AGBL1: variants seen among roughly 807,000 people sequenced by gnomAD.
The protein encoded by AGBL1 is AGBL carboxypeptidase 1.
A neutral mutation model predicts 118.9 loss-of-function variants in AGBL1; 130 were observed. That is an observed-to-expected ratio of 1.09 (90% CI 0.95 to 1.26). AGBL1 has a LOEUF of 1.26. AGBL1 is among the 50% of genes most tolerant of loss of function. AGBL1 has a pLI of 0.00. For synonymous variants in AGBL1, 555 were observed against 478.9 expected, an observed-to-expected ratio of 1.16 and a Z score of -2.08; for missense variants, 1,584 against 1,298.1, an observed-to-expected ratio of 1.22 and a Z score of -3.38.
chr15:86,367,946 T>C lies in AGBL1; in HGVS notation c.2375-29420T>C, dbSNP rs1216171844. Among the ~76,000 whole-genome samples, 3 of 152,304 alleles carry C rather than the reference T, an allele frequency of 2.0e-5. No individual in the cohort carries two copies. In the East Asian group the frequency reaches 5.8e-4, roughly 29 times the overall value. Reference sequence around the variant, plus strand: ...TAGCTAGCATTTTACTCCTAGGCTATTTCTGCTAAAACTAATAAACATGGG... The same window carrying C: ...TAGCTAGCATTTTACTCCTAGGCTACTTCTGCTAAAACTAATAAACATGGG... On this transcript the variant is annotated intron_variant, in intron 17 of 22. Transcript: ENST00000614907.
intron 3 of AGBL1, 86 bp downstream of exon 3, chr15:86,143,931 G>A (rs2076998823): frequency 2.7e-6 from 4 of 1,486,338 alleles, no homozygotes; most frequent in Non-Finnish European, 2.7e-6. Context: ...CTTTGGTGGA[G>A]TAGCACAGGG....
At chr15:87,001,570 G>T (rs949984865) in intron 24 of AGBL1, among the ~76,000 whole-genome samples, 1 of 152,000 alleles carries the variant, frequency 6.6e-6, no homozygotes, top group Non-Finnish European at 1.5e-5. Flanking sequence ...CTTCCACAAT[G>T]GTTGAACTAG....
At chr15:86,825,195 A>G (rs2078990133) in intron 22 of AGBL1, among the ~76,000 whole-genome samples, 1 of 151,992 alleles carries the variant, frequency 6.6e-6, no homozygotes, top group Admixed American at 6.6e-5. Flanking sequence ...AAGCAATTGG[A>G]CATCCATAGG....
chr15:86,718,126 A>C (rs2086664802), intron 22 of AGBL1, among the ~76,000 whole-genome samples: 1 of 152,130 alleles, frequency 6.6e-6, no homozygotes, highest in Non-Finnish European at 1.5e-5. Context: ...AAATATTATT[A>C]ATATTGGCTG....
At chr15:86,226,088 G>A (rs78682135) in intron 6 of AGBL1, among the ~76,000 whole-genome samples, 5,712 of 152,226 alleles carry the variant, frequency 0.038, 335 homozygotes, top group African/African-American at 0.13. Context: ...TGCAGGTAGA[G>A]TGGAGGTGGT....
At chr15:86,866,855 C>A (rs570367812) in intron 22 of AGBL1, among the ~76,000 whole-genome samples, 1 of 152,288 alleles carries the variant, frequency 6.6e-6, no homozygotes, top group East Asian at 1.9e-4. Flanking sequence ...TATGCTTAGT[C>A]CACTATTTGC....
intron 23 of AGBL1, among the ~76,000 whole-genome samples, chr15:86,961,289 T>C (rs1043935798): frequency 6.6e-6 from 1 of 152,070 alleles, no homozygotes; most frequent in East Asian, 1.9e-4. Flanking sequence ...GGAGTACTTA[T>C]AAATCTACCC....
intron 18 of AGBL1, among the ~76,000 whole-genome samples, chr15:86,455,595 G>A (rs563892852): frequency 6.6e-6 from 1 of 152,162 alleles, no homozygotes; most frequent in South Asian, 2.1e-4. Flanking sequence ...CAAGATGTAA[G>A]CAATATGGCT....
At chr15:86,775,746 TA>T (rs1457543117) in intron 22 of AGBL1, among the ~76,000 whole-genome samples, 1 of 152,194 alleles carries the variant, frequency 6.6e-6, no homozygotes, top group Non-Finnish European at 1.5e-5. Flanking sequence ...TACTATATTT[TA>T]TATTAAAATT....
At chr15:86,647,864 T>C (rs568736538) in intron 21 of AGBL1, among the ~76,000 whole-genome samples, 1 of 152,188 alleles carries the variant, frequency 6.6e-6, no homozygotes, top group East Asian at 1.9e-4. Context: ...AGATGAAATT[T>C]GGGTGATAAT....
At chr15:86,485,818 A>G (rs1462984478) in intron 18 of AGBL1, among the ~76,000 whole-genome samples, 2 of 152,128 alleles carry the variant, frequency 1.3e-5, no homozygotes, top group East Asian at 3.9e-4. Context: ...ATTCTGATCC[A>G]GGTGGCCTGC....
At chr15:86,187,416 G>T (rs2077650174) in intron 5 of AGBL1, among the ~76,000 whole-genome samples, 1 of 152,164 alleles carries the variant, frequency 6.6e-6, no homozygotes, top group South Asian at 2.1e-4. Flanking sequence ...TCCAGGACTT[G>T]AAAGAAGATG....
At position 86,666,667 on chromosome 15, in the gene AGBL1, T is replaced by TC. The variant is rs567970071; in HGVS notation, c.2995-7606_2995-7605insC. ...TTGGTTTTGCATGAGCATTTGCTGC[T>TC]GTTATTGATAATAATAAGTACTTAC... On this transcript the variant is annotated intron_variant, in intron 21 of 22. Transcript: ENST00000614907. Among the ~76,000 whole-genome samples, 762 of 152,354 alleles carry TC rather than the reference T, an allele frequency of 5.0e-3. 4 individuals are homozygous for TC. Among genetic ancestry groups the TC allele is most frequent in the African/African-American group, 0.017 (716 of 41,588 alleles).
intron 22 of AGBL1, among the ~76,000 whole-genome samples, chr15:86,775,481 C>A (rs939823113): frequency 6.6e-6 from 1 of 152,032 alleles, no homozygotes; most frequent in African/African-American, 2.4e-5. Context: ...AGAGTTAAAT[C>A]CTGTGGTGGT....
Position 86,913,448 on chromosome 15 carries a change from A to G in AGBL1, c.*6154A>G, listed in dbSNP as rs977687985. ...GTGTATATATTCTGGGCCAGTTCCA[A>G]TGCAAAGTAAAATGGGTTCAGTATC... On this transcript the variant is annotated 3_prime_UTR_variant, in exon 23 of 23. Transcript: ENST00000614907. 7 of 152,224 alleles carry G rather than the reference A, an allele frequency of 4.6e-5. No individual in the cohort carries two copies. The highest frequency in any genetic ancestry group is 4.1e-4 in the South Asian group (2 of 4,832). The allele number at this position is 152,224 out of a possible 1,614,324, so 9.4% of individuals were successfully genotyped here.
chr15:86,827,420 TATATATATAC>T (rs2079035400), intron 22 of AGBL1, among the ~76,000 whole-genome samples: 2 of 8,070 alleles, frequency 2.5e-4, no homozygotes, highest in African/African-American at 2.1e-3. Flanking sequence ...TGTATATATA[TATATATATAC>T]ACATATATAT....
At chr15:86,520,838 G>C (rs2083180994) in intron 18 of AGBL1, among the ~76,000 whole-genome samples, 1 of 152,172 alleles carries the variant, frequency 6.6e-6, no homozygotes, top group African/African-American at 2.4e-5. Context: ...CTTGATTTGA[G>C]AAAAGCAATT....
chr15:86,504,839 C>T (rs1048436355), intron 18 of AGBL1, among the ~76,000 whole-genome samples: 1 of 151,546 alleles, frequency 6.6e-6, no homozygotes, highest in Admixed American at 6.6e-5. Flanking sequence ...TTTATATTTA[C>T]GTATGTATTA....
chr15:86,995,740 G>A (rs1265949497), intron 24 of AGBL1, among the ~76,000 whole-genome samples: 2 of 152,152 alleles, frequency 1.3e-5, no homozygotes, highest in Non-Finnish European at 1.5e-5. Flanking sequence ...TTTTCCTCCT[G>A]AATTTGAATT....
Sources: gnomAD v4.1 joint callset for allele counts (sites outside exome capture counted in the v4.1 genomes callset) on GRCh38, gnomAD v4.1.1 for gene constraint, MANE v1.5 for transcripts, NCBI Gene and HGNC (gene_info 2026-07-23, HGNC 2026-07-21) for gene names.